EPHB1: variants seen among roughly 807,000 people sequenced by gnomAD.
The protein encoded by EPHB1 is EPH receptor B1, also known as ephrin type-B receptor 1.
Under a neutral mutation model 94.4 loss-of-function variants are expected in EPHB1, and 30 were observed. That is an observed-to-expected ratio of 0.32 (90% CI 0.24 to 0.43). EPHB1 has a LOEUF of 0.43. EPHB1 is among the 20% of genes least tolerant of loss of function. The pLI, the probability that EPHB1 is intolerant of heterozygous loss-of-function variation, is 1.00. For missense variants in EPHB1, 1,055 were observed against 1,308.3 expected, an observed-to-expected ratio of 0.81 and a Z score of 2.99; for synonymous variants, 522 against 489.1, an observed-to-expected ratio of 1.07 and a Z score of -0.89.
chr3:135,038,146 G>A (rs1284594970), intron 3 of EPHB1, among the ~76,000 whole-genome samples: 2 of 152,202 alleles, frequency 1.3e-5, no homozygotes, highest in African/African-American at 4.8e-5. Context: ...CTCCACTGGG[G>A]TAGCCTCCCT....
intron 10 of EPHB1, among the ~76,000 whole-genome samples, chr3:135,185,228 A>T (rs1488891189): frequency 6.6e-6 from 1 of 152,212 alleles, no homozygotes; most frequent in Non-Finnish European, 1.5e-5. Flanking sequence ...ATATGTGTGG[A>T]TGGGGATGGA....
At chr3:135,049,917 C>T (rs556365597) in intron 3 of EPHB1, among the ~76,000 whole-genome samples, 1 of 152,298 alleles carries the variant, frequency 6.6e-6, no homozygotes, top group East Asian at 1.9e-4. Flanking sequence ...AGGGCAAAAG[C>T]TGGCTGGTCC....
intron 3 of EPHB1, among the ~76,000 whole-genome samples, chr3:134,991,658 C>A (rs1306752553): frequency 6.6e-6 from 1 of 152,176 alleles, no homozygotes; most frequent in African/African-American, 2.4e-5. Context: ...AACACTCTCC[C>A]CTGGCTGAGC....
intron 1 of EPHB1, among the ~76,000 whole-genome samples, chr3:134,873,201 A>G (rs1436042722): frequency 3.3e-5 from 5 of 152,188 alleles, no homozygotes; most frequent in Non-Finnish European, 1.5e-5. Flanking sequence ...CAAGAGCGAG[A>G]GGTTATGACA....
At chr3:134,856,446 A>G (rs1051297803) in intron 1 of EPHB1, among the ~76,000 whole-genome samples, 1 of 152,204 alleles carries the variant, frequency 6.6e-6, no homozygotes, top group Non-Finnish European at 1.5e-5. Context: ...GAGAGTGCAA[A>G]TGATCCTGAG....
intron 1 of EPHB1, among the ~76,000 whole-genome samples, chr3:134,796,898 TC>T (rs1160372452): frequency 6.6e-6 from 1 of 152,328 alleles, no homozygotes; most frequent in East Asian, 1.9e-4. Flanking sequence ...TGTTACTCGT[TC>T]CTCGCGAAAC....
At chr3:134,871,178 A>G (rs2108307597) in intron 1 of EPHB1, among the ~76,000 whole-genome samples, 1 of 152,386 alleles carries the variant, frequency 6.6e-6, no homozygotes, top group South Asian at 2.1e-4. Flanking sequence ...AGCCAGCTGC[A>G]GCTCAAGGAA....
Position 135,179,849 on chromosome 3 carries a change from C to A in EPHB1, c.1760-11C>A. The A allele has an allele frequency of 3.7e-6, 6 of 1,613,632 alleles. No homozygotes were observed. Among genetic ancestry groups the A allele is most frequent in the Non-Finnish European group, 5.1e-6 (6 of 1,179,638 alleles). ...TTTGGGATGTTAACCCTGCTTATCTCCTCCAACAAGGCTCCCCAGGGATGA... is the reference window on the plus strand; with the variant it reads ...TTTGGGATGTTAACCCTGCTTATCTACTCCAACAAGGCTCCCCAGGGATGA... On this transcript the variant is annotated splice_polypyrimidine_tract_variant and intron_variant, in intron 9 of 15. Transcript: ENST00000398015.
intron 2 of EPHB1, among the ~76,000 whole-genome samples, chr3:134,948,517 A>T (rs555866657): frequency 1.3e-5 from 2 of 152,260 alleles, no homozygotes; most frequent in South Asian, 4.1e-4. Flanking sequence ...TTGATAGAAC[A>T]AAACACAGTG....
chr3:134,859,577 A>G (rs1206797678), intron 1 of EPHB1, among the ~76,000 whole-genome samples: 4 of 152,042 alleles, frequency 2.6e-5, no homozygotes, highest in Admixed American at 2.0e-4. Context: ...TTCTGCTGGA[A>G]CCTACAGTGG....
At chr3:134,976,568 G>T (rs1413412535) in intron 3 of EPHB1, among the ~76,000 whole-genome samples, 2 of 152,100 alleles carry the variant, frequency 1.3e-5, no homozygotes, top group Non-Finnish European at 2.9e-5. Context: ...AGCTTCTCTG[G>T]TGTTGCATCT....
intron 13 of EPHB1, 77 bp downstream of exon 13, chr3:135,241,374 T>C: frequency 6.4e-7 from 1 of 1,568,622 alleles, no homozygotes; most frequent in Non-Finnish European, 8.7e-7. Context: ...CAATTCCTCC[T>C]GTTTTCAGCT....
At chr3:135,255,667 G>A (rs1394109874) in intron 15 of EPHB1, among the ~76,000 whole-genome samples, 1 of 151,132 alleles carries the variant, frequency 6.6e-6, no homozygotes, top group Admixed American at 6.6e-5. Flanking sequence ...TAGGTGTGGT[G>A]TGGTGCTGAA....
intron 9 of EPHB1, among the ~76,000 whole-genome samples, chr3:135,178,804 G>A (rs1431388361): frequency 6.6e-6 from 1 of 152,108 alleles, no homozygotes; most frequent in African/African-American, 2.4e-5. Flanking sequence ...CTGCTGACCT[G>A]ACTGTTTCTT....
At chr3:135,031,686 A>G (rs1361418329) in intron 3 of EPHB1, among the ~76,000 whole-genome samples, 3 of 152,196 alleles carry the variant, frequency 2.0e-5, no homozygotes, top group Non-Finnish European at 4.4e-5. Flanking sequence ...CCACAAAGCC[A>G]ATCAAAATTC....
intron 3 of EPHB1, among the ~76,000 whole-genome samples, chr3:135,073,322 TAAG>T (rs982153105): frequency 5.3e-5 from 8 of 152,218 alleles, no homozygotes; most frequent in African/African-American, 1.9e-4. Context: ...TGTCACCTAG[TAAG>T]AGTTCACAAA....
At chr3:134,993,140 T>C (rs1934870914) in intron 3 of EPHB1, among the ~76,000 whole-genome samples, 1 of 152,158 alleles carries the variant, frequency 6.6e-6, no homozygotes, top group Non-Finnish European at 1.5e-5. Context: ...CATTAAGAGG[T>C]TGCTAGTCTG....
intron 3 of EPHB1, among the ~76,000 whole-genome samples, chr3:135,035,920 G>T (rs1936629659): frequency 6.6e-6 from 1 of 152,178 alleles, no homozygotes; most frequent in South Asian, 2.1e-4. Flanking sequence ...CGAAGCATCT[G>T]GTCTAGCCAG....
rs753079878 is a variant in EPHB1, at chr3:134,867,200, T to TC, written c.59-58616_59-58615insC. On this transcript the variant is annotated intron_variant, in intron 1 of 15. Transcript: ENST00000398015. ...TCATGAGCCTTAGGTATGCCTTTAA[T>TC]TCAGTTACAGTTGATTCTAGTGGAC... Among the ~76,000 whole-genome samples the TC allele has an allele frequency of 6.6e-5, 10 of 152,318 alleles. No individual in the cohort carries two copies. The East Asian group carries it at 1.9e-3, about 29-fold the overall frequency.
Sources: gnomAD v4.1 joint callset for allele counts (sites outside exome capture counted in the v4.1 genomes callset) on GRCh38, gnomAD v4.1.1 for gene constraint, MANE v1.5 for transcripts, NCBI Gene and HGNC (gene_info 2026-07-23, HGNC 2026-07-21) for gene names.